The following EPG5 variants were observed in gnomAD, a reference collection of about 807,000 sequenced individuals.
EPG5 encodes the protein ectopic P granules protein 5 homolog.
In EPG5, 159 loss-of-function variants were observed where a neutral mutation model predicts 302.7. The ratio of observed to expected loss-of-function variants is 0.53; its 90% CI spans 0.46 to 0.60. The LOEUF (loss-of-function observed/expected upper bound fraction) is 0.60, where lower values mean the gene tolerates loss of function less well. Among genes scored for constraint, EPG5 ranks in the 20% least tolerant of loss-of-function variants. EPG5 has a pLI of 0.00. For synonymous variants in EPG5, 1,158 were observed against 1,136.8 expected, an observed-to-expected ratio of 1.02 and a Z score of -0.37; for missense variants, 2,896 against 3,092.4, an observed-to-expected ratio of 0.94 and a Z score of 1.51.
the EPG5 span, chr18:45,838,748 T>C: frequency 2.5e-6 from 4 of 1,583,668 alleles, no homozygotes; most frequent in Non-Finnish European, 3.4e-6. Flanking sequence ...ATCTCGGTGC[T>C]GCCCAGTCCG....
intron 35 of EPG5, 42 bp from the exon 36 acceptor site, chr18:45,870,784 A>C: frequency 8.3e-7 from 1 of 1,198,756 alleles, no homozygotes; most frequent in Non-Finnish European, 1.1e-6. Flanking sequence ...CCTTTGGTTT[A>C]CCTTAAAAAA....
chr18:45,944,139 A>G lies in EPG5; in HGVS notation c.1678-20T>C, dbSNP rs2050737674. ...TTCATCCTAAGGGAAAAGACAAAAA[A>G]TCATGTCAGCAGATTTGATCAGATC... On this transcript the variant is annotated intron_variant, in intron 7 of 43. Coordinates refer to ENST00000282041, the MANE Select transcript of EPG5 (RefSeq NM_020964.3). 1 of 1,475,222 alleles carries G rather than the reference A, an allele frequency of 6.8e-7. No homozygotes were observed. Among genetic ancestry groups the G allele is most frequent in the Non-Finnish European group, 9.5e-7 (1 of 1,054,412 alleles). 91.4% of individuals were successfully genotyped at this position (1,475,222 alleles called of 1,614,324 possible).
chr18:45,832,074 A>T, the EPG5 span, among the ~76,000 whole-genome samples: 1 of 152,232 alleles, frequency 6.6e-6, no homozygotes, highest in African/African-American at 2.4e-5. Context: ...GCACTTTCCC[A>T]CCACCCTCTG....
chr18:45,866,734 A>T, intron 38 of EPG5, 64 bp downstream of exon 38: 2 of 1,282,882 alleles, frequency 1.6e-6, no homozygotes, highest in Non-Finnish European at 2.3e-6. Flanking sequence ...TGTCCTTTGT[A>T]GCACTTATGC....
intron 16 of EPG5, among the ~76,000 whole-genome samples, chr18:45,922,078 A>G (rs2050166557): frequency 6.6e-6 from 1 of 152,132 alleles, no homozygotes; most frequent in Admixed American, 6.5e-5. Flanking sequence ...GTACGAATCT[A>G]CTGCTGACAC....
At chr18:45,857,267 G>A (rs977146651) in intron 42 of EPG5, among the ~76,000 whole-genome samples, 1 of 152,020 alleles carries the variant, frequency 6.6e-6, no homozygotes, top group Admixed American at 6.6e-5. Context: ...GTATCACCAT[G>A]CCCGGCTAAT....
chr18:45,879,907 G>C (rs886404315), intron 32 of EPG5, among the ~76,000 whole-genome samples, 168 bp downstream of exon 32: 1 of 152,122 alleles, frequency 6.6e-6, no homozygotes, highest in Non-Finnish European at 1.5e-5. Flanking sequence ...CAGGGGAATG[G>C]GGTGAGCCAT....
intron 9 of EPG5, among the ~76,000 whole-genome samples, chr18:45,940,458 A>C (rs1377561912): frequency 1.3e-5 from 2 of 152,030 alleles, no homozygotes; most frequent in African/African-American, 2.4e-5. Flanking sequence ...GGGAAAGGGC[A>C]GAAGCGGGTG....
chr18:45,838,142 C>G, the EPG5 span, among the ~76,000 whole-genome samples: 2 of 152,332 alleles, frequency 1.3e-5, no homozygotes, highest in African/African-American at 2.4e-5. Flanking sequence ...TGCCGTGACT[C>G]TCGTAGAGTG....
intron 14 of EPG5, 122 bp downstream of exon 14, chr18:45,925,616 G>T: frequency 1.5e-6 from 1 of 674,926 alleles, no homozygotes. Context: ...CTCTGACACA[G>T]CTACAAAGAA....
In EPG5 at chr18:45,857,936, C is replaced by T; in HGVS notation, c.7359G>A (p.Arg2453=). 1 of 1,613,154 alleles carries T rather than the reference C, an allele frequency of 6.2e-7. No homozygotes were observed. The highest frequency in any genetic ancestry group is 8.5e-7 in the Non-Finnish European group (1 of 1,180,002). ...VIRILLLVQS[R]QNLVAEERLS... is the part of the protein sequence containing the mutation. ...GTCTCTCCTCAGCCACGAGGTTCTGCCTGCTCTGAACCAAGAGCAGAATTC... is the reference window on the plus strand; with the variant it reads ...GTCTCTCCTCAGCCACGAGGTTCTGTCTGCTCTGAACCAAGAGCAGAATTC... The change falls in exon 42 of 44, where the codon AGG becomes AGA. Residue 2453 remains arginine, a synonymous_variant. Transcript: ENST00000282041.
chr18:45,931,490 A>G (rs1479838031), intron 11 of EPG5, among the ~76,000 whole-genome samples: 3 of 152,230 alleles, frequency 2.0e-5, no homozygotes, highest in African/African-American at 4.8e-5. Flanking sequence ...CATGACAGTA[A>G]ACTACATGCA....
chr18:45,899,197 C>T (rs1043075144), intron 27 of EPG5, among the ~76,000 whole-genome samples: 1 of 151,872 alleles, frequency 6.6e-6, no homozygotes, highest in South Asian at 2.1e-4. Flanking sequence ...TTTTTAATTC[C>T]TATTTGAATA....
chr18:45,916,304 A>G, intron 18 of EPG5, 98 bp from the exon 19 acceptor site: 1 of 1,518,176 alleles, frequency 6.6e-7, no homozygotes, highest in South Asian at 1.3e-5. Flanking sequence ...CAAATCCCAA[A>G]TCTATTGCCT....
chr18:45,899,618 T>A, intron 26 of EPG5, 52 bp from the exon 27 acceptor site: 9 of 1,597,550 alleles, frequency 5.6e-6, no homozygotes, highest in Non-Finnish European at 6.9e-6. Context: ...GGTTATATGA[T>A]AGGTGATAAA....
intron 7 of EPG5, 65 bp downstream of exon 7, chr18:45,946,598 C>T: frequency 8.1e-7 from 1 of 1,237,932 alleles, no homozygotes; most frequent in Non-Finnish European, 1.2e-6. Context: ...GTGCTTAGAA[C>T]AATACTTGGT....
In EPG5 at chr18:45,954,897, T is replaced by C. The variant is rs762283905; in HGVS notation, c.505A>G (p.Asn169Asp). Residue 169 changes from asparagine (N) to aspartate (D), a missense_variant, in exon 2 of 44, where the codon AAT (asparagine) becomes GAT (aspartate). Physicochemically the swap from Asn to Asp is conservative, Grantham distance 23. Coordinates refer to ENST00000282041, the MANE Select transcript of EPG5 (RefSeq NM_020964.3). Reference sequence around the variant, plus strand: ...TTCTGAGTTTCTCTGACTTGTATATTTTCCATTGCTGGCTGAGTATAAGAA... The same window carrying C: ...TTCTGAGTTTCTCTGACTTGTATATCTTCCATTGCTGGCTGAGTATAAGAA... ...NFSYTQPAMENIQVRETQNSK... is the reference protein window; with the variant it reads ...NFSYTQPAMEDIQVRETQNSK... The C allele has an allele frequency of 1.9e-6, 3 of 1,613,912 alleles. No individual in the cohort carries two copies. The highest frequency in any genetic ancestry group is 2.2e-5 in the South Asian group (2 of 91,046).
At chr18:45,957,763 T>C (rs2051063440) in intron 1 of EPG5, among the ~76,000 whole-genome samples, 1 of 152,236 alleles carries the variant, frequency 6.6e-6, no homozygotes, top group Non-Finnish European at 1.5e-5. Context: ...CAAATTAGGA[T>C]TTCTCACACA....
chr18:45,912,646 T>C (rs1014273993), intron 21 of EPG5, among the ~76,000 whole-genome samples, 190 bp from the exon 22 acceptor site: 1 of 152,208 alleles, frequency 6.6e-6, no homozygotes, highest in Non-Finnish European at 1.5e-5. Context: ...TAGCAAGACA[T>C]GTAGGGCAGC....
Sources: allele counts gnomAD v4.1 joint callset (sites outside exome capture counted in the v4.1 genomes callset), GRCh38; gene constraint gnomAD v4.1.1; transcripts MANE v1.5; gene names NCBI Gene and HGNC (gene_info 2026-07-23, HGNC 2026-07-21).